ESRRG: variants seen among roughly 807,000 people sequenced by gnomAD.
ESRRG encodes the protein estrogen-related receptor gamma.
A neutral mutation model predicts 44.0 loss-of-function variants in ESRRG; 13 were observed. The observed-to-expected ratio is 0.30, with a 90% CI of 0.19 to 0.47. The LOEUF (loss-of-function observed/expected upper bound fraction) is 0.47, where lower values mean the gene tolerates loss of function less well. Ranked by LOEUF, ESRRG falls within the 20% of genes least tolerant of loss-of-function variation. The pLI is 1.00. For missense variants in ESRRG, 395 were observed against 580.6 expected, an observed-to-expected ratio of 0.68 and a Z score of 3.29; for synonymous variants, 215 against 214.6, an observed-to-expected ratio of 1.00 and a Z score of -0.02.
intron 3 of ESRRG, among the ~76,000 whole-genome samples, chr1:216,625,378 T>C (rs1188814032): frequency 1.4e-5 from 2 of 147,022 alleles, no homozygotes; most frequent in Non-Finnish European, 3.0e-5. Flanking sequence ...TGATCATTTT[T>C]GTCCTCACTT....
At chr1:216,802,181 G>T (rs2094643419) in intron 2 of ESRRG, among the ~76,000 whole-genome samples, 1 of 152,086 alleles carries the variant, frequency 6.6e-6, no homozygotes, top group South Asian at 2.1e-4. Context: ...CCTGAGGGGT[G>T]CTTTTTTTCT....
At chr1:216,972,804 A>G (rs1264433171) in intron 1 of ESRRG, among the ~76,000 whole-genome samples, 3 of 152,192 alleles carry the variant, frequency 2.0e-5, no homozygotes, top group African/African-American at 7.2e-5. Flanking sequence ...AACAAAGTAA[A>G]TAAAAGCTTT....
At chr1:217,097,772 TA>T (rs71495084) in intron 1 of ESRRG, among the ~76,000 whole-genome samples, 2 of 148,374 alleles carry the variant, frequency 1.3e-5, no homozygotes, top group South Asian at 2.1e-4. Flanking sequence ...TACCTTCCCA[TA>T]AGAAAAGAAT....
chr1:217,048,641 G>A (rs1370693851), intron 1 of ESRRG, among the ~76,000 whole-genome samples: 1 of 152,186 alleles, frequency 6.6e-6, no homozygotes, highest in Non-Finnish European at 1.5e-5. Context: ...TGACTCAGAA[G>A]TTCCCTGAAA....
intron 5 of ESRRG, among the ~76,000 whole-genome samples, chr1:216,543,291 C>A (rs1407045496): frequency 6.6e-6 from 1 of 151,932 alleles, no homozygotes; most frequent in Non-Finnish European, 1.5e-5. Context: ...ATTTTGTATT[C>A]ATCAGGTATT....
At chr1:216,670,685 T>G (rs1418877643) in intron 2 of ESRRG, among the ~76,000 whole-genome samples, 1 of 152,148 alleles carries the variant, frequency 6.6e-6, no homozygotes, top group Non-Finnish European at 1.5e-5. Context: ...TGGACTAAAC[T>G]GCCCTTCTGG....
intron 1 of ESRRG, among the ~76,000 whole-genome samples, chr1:216,979,466 G>A (rs924424716): frequency 6.6e-6 from 1 of 152,002 alleles, no homozygotes; most frequent in Non-Finnish European, 1.5e-5. Context: ...CCAAGAGGTG[G>A]GAAGCTTGAT....
chr1:216,537,918 A>G (rs2149222814), intron 5 of ESRRG, among the ~76,000 whole-genome samples: 1 of 151,942 alleles, frequency 6.6e-6, no homozygotes, highest in East Asian at 1.9e-4. Flanking sequence ...TCCAACTATC[A>G]TTTTCCCTTT....
chr1:216,962,320 CTCTGGTCAAG>C (rs201328063), intron 1 of ESRRG, among the ~76,000 whole-genome samples: 3,018 of 152,252 alleles, frequency 0.02, 87 homozygotes, highest in African/African-American at 0.063. Flanking sequence ...AACTAGGAAT[CTCTGGTCAAG>C]TCTTTGAGTT....
At chr1:216,562,056 C>G (rs1389715358) in intron 5 of ESRRG, among the ~76,000 whole-genome samples, 1 of 152,156 alleles carries the variant, frequency 6.6e-6, no homozygotes, top group Non-Finnish European at 1.5e-5. Flanking sequence ...GATGCACAGT[C>G]GGACCTACAT....
intron 2 of ESRRG, among the ~76,000 whole-genome samples, chr1:216,808,468 C>T (rs2094867388): frequency 6.6e-6 from 1 of 152,076 alleles, no homozygotes; most frequent in Non-Finnish European, 1.5e-5. Flanking sequence ...GCTCTGTCAT[C>T]CAGGCTGCAG....
At chr1:216,532,265 A>C (rs1236538942) in intron 5 of ESRRG, among the ~76,000 whole-genome samples, 1 of 152,156 alleles carries the variant, frequency 6.6e-6, no homozygotes, top group Admixed American at 6.5e-5. Context: ...GATGCCATGG[A>C]TTACAGTGTG....
chr1:217,012,461 C>T (rs1285182464), intron 1 of ESRRG, among the ~76,000 whole-genome samples: 1 of 152,144 alleles, frequency 6.6e-6, no homozygotes, highest in Non-Finnish European at 1.5e-5. Context: ...ACATACCTAG[C>T]TTGATAGCAT....
chr1:216,881,149 G>A (rs924936964), intron 2 of ESRRG, among the ~76,000 whole-genome samples: 13 of 151,930 alleles, frequency 8.6e-5, no homozygotes, highest in African/African-American at 2.9e-4. Flanking sequence ...AGAAAATCTT[G>A]GTAAATATTG....
chr1:217,115,491 T>A (rs370559098), intron 1 of ESRRG, among the ~76,000 whole-genome samples: 4 of 152,222 alleles, frequency 2.6e-5, no homozygotes, highest in African/African-American at 7.2e-5. Context: ...CTACTGCATA[T>A]CCTATGCTCA....
chr1:216,639,260 C>G (rs1328033814), intron 3 of ESRRG, among the ~76,000 whole-genome samples: 4 of 152,022 alleles, frequency 2.6e-5, no homozygotes, highest in Non-Finnish European at 4.4e-5. Flanking sequence ...AACAACAATC[C>G]CCCACCCGCT....
intron 2 of ESRRG, among the ~76,000 whole-genome samples, chr1:216,827,503 A>T (rs1437914268): frequency 6.6e-6 from 1 of 152,198 alleles, no homozygotes; most frequent in African/African-American, 2.4e-5. Flanking sequence ...CATCATCTAT[A>T]AAACAGGAAT....
chr1:216,954,533 A>T (rs545452275), intron 1 of ESRRG, among the ~76,000 whole-genome samples: 2 of 152,244 alleles, frequency 1.3e-5, no homozygotes, highest in Admixed American at 1.3e-4. Flanking sequence ...AATATAACGC[A>T]CTAAAGGCTC....
In ESRRG at chr1:216,731,996, A is replaced by T. The variant is rs370690651; in HGVS notation, c.-13-54505T>A. Among the ~76,000 whole-genome samples the T allele has an allele frequency of 1.6e-4, 24 of 152,340 alleles. No individual in the cohort carries two copies. In the South Asian group the frequency reaches 5.0e-3, roughly 32 times the overall value. On this transcript the variant is annotated intron_variant, in intron 2 of 7. Coordinates refer to the ESRRG transcript ENST00000359162. The stretch of plus-strand genomic sequence containing the variant: ...ACGTTAAACAAAGAATTGAAATTTA[A>T]CAAAGAAATTTTTTTTTAATTTTTA...
Sources: allele counts gnomAD v4.1 joint callset (sites outside exome capture counted in the v4.1 genomes callset), GRCh38; gene constraint gnomAD v4.1.1; transcripts MANE v1.5; gene names NCBI Gene and HGNC (gene_info 2026-07-23, HGNC 2026-07-21).